Variants in FGF14 observed in about 807,000 individuals in gnomAD.
FGF14 encodes the protein fibroblast growth factor 14.
FGF14 carries 5 observed loss-of-function variants against 25.5 expected under a neutral mutation model. That is an observed-to-expected ratio of 0.20 (90% CI 0.10 to 0.41). The LOEUF is 0.41. Among genes scored for constraint, FGF14 ranks in the 10% least tolerant of loss-of-function variants. The probability of loss-of-function intolerance (pLI) is 1.00; values close to 1 mark genes in which losing one functional copy is unlikely to be tolerated. For missense variants in FGF14, 222 were observed against 320.1 expected, an observed-to-expected ratio of 0.69 and a Z score of 2.34; for synonymous variants, 138 against 118.3, an observed-to-expected ratio of 1.17 and a Z score of -1.08.
At chr13:102,013,070 G>C (rs1209284980) in intron 1 of FGF14, among the ~76,000 whole-genome samples, 1 of 152,052 alleles carries the variant, frequency 6.6e-6, no homozygotes. Context: ...CAGAAAGATT[G>C]CTTGAGCCCA....
intron 1 of FGF14, among the ~76,000 whole-genome samples, chr13:102,181,740 T>C (rs1410617019): frequency 2.6e-5 from 4 of 152,174 alleles, no homozygotes; most frequent in South Asian, 2.1e-4. Context: ...TGTTGCTAGG[T>C]TGTACATATT....
At chr13:102,208,162 C>T (rs1351554551) in intron 1 of FGF14, among the ~76,000 whole-genome samples, 1 of 152,134 alleles carries the variant, frequency 6.6e-6, no homozygotes, top group Non-Finnish European at 1.5e-5. Context: ...GTGAGAGATT[C>T]GCAAGGGGAA....
chr13:102,059,844 C>A (rs9300710), intron 1 of FGF14, among the ~76,000 whole-genome samples: 70,185 of 150,094 alleles, frequency 0.47, 16,785 homozygotes, highest in East Asian at 0.69. Context: ...GAGCGAGACT[C>A]CATCTCAAAA....
intron 1 of FGF14, among the ~76,000 whole-genome samples, chr13:102,193,011 C>T (rs2049189964): frequency 6.6e-6 from 1 of 152,178 alleles, no homozygotes; most frequent in South Asian, 2.1e-4. Flanking sequence ...ATCCCCTATC[C>T]ATTGCCCACT....
chr13:102,202,932 C>T (rs1163035778), intron 1 of FGF14, among the ~76,000 whole-genome samples: 2 of 152,116 alleles, frequency 1.3e-5, no homozygotes, highest in Admixed American at 6.5e-5. Context: ...CCACAGGCCT[C>T]GATACTGGTG....
intron 1 of FGF14, among the ~76,000 whole-genome samples, chr13:101,957,813 C>T (rs982096900): frequency 6.6e-6 from 1 of 152,052 alleles, no homozygotes; most frequent in African/African-American, 2.4e-5. Flanking sequence ...CTTAAGGAAA[C>T]CATTGTCACT....
chr13:101,821,009 A>T (rs6491646), intron 3 of FGF14, among the ~76,000 whole-genome samples: 3 of 142,778 alleles, frequency 2.1e-5, no homozygotes, highest in East Asian at 4.3e-4. Flanking sequence ...GTGCAGTGGC[A>T]TGATCTCGGC....
Position 102,060,758 on chromosome 13 carries a change from A to C in FGF14, c.209-185462T>G, listed in dbSNP as rs990132461. On this transcript the variant is annotated intron_variant, in intron 1 of 4. Coordinates refer to the FGF14 transcript ENST00000376131. ...GGGCAGGGTCCCTGGCGAGGGCTCCACCCTCGGGCCTGTGCCCATGGACCT... is the reference window on the plus strand; with the variant it reads ...GGGCAGGGTCCCTGGCGAGGGCTCCCCCCTCGGGCCTGTGCCCATGGACCT... Among the ~76,000 whole-genome samples the C allele has an allele frequency of 2.6e-5, 4 of 152,202 alleles. No homozygotes were observed. In the South Asian group the frequency reaches 6.2e-4, roughly 24 times the overall value.
At chr13:102,021,652 T>C (rs145872849) in intron 1 of FGF14, among the ~76,000 whole-genome samples, 101 of 151,968 alleles carry the variant, frequency 6.6e-4, no homozygotes, top group Non-Finnish European at 1.1e-3. Context: ...GCAGAGAAAA[T>C]TGTTCATCAA....
chr13:101,875,163 G>A, intron 2 of FGF14, 23 bp downstream of exon 2: 2 of 1,479,636 alleles, frequency 1.4e-6, no homozygotes, highest in Non-Finnish European at 1.9e-6. Context: ...CTATGTAACT[G>A]GTGGCCTGAG....
chr13:101,961,917 C>A (rs2476214), intron 1 of FGF14, among the ~76,000 whole-genome samples: 6,896 of 152,156 alleles, frequency 0.045, 515 homozygotes, highest in African/African-American at 0.16. Context: ...CTAATACAGT[C>A]TATGTATCTG....
chr13:101,842,241 C>T (rs1482789894), intron 3 of FGF14, among the ~76,000 whole-genome samples: 1 of 151,984 alleles, frequency 6.6e-6, no homozygotes, highest in Non-Finnish European at 1.5e-5. Context: ...AGGTTGCTAT[C>T]ACATCCTCAT....
intron 3 of FGF14, among the ~76,000 whole-genome samples, chr13:101,832,796 G>A (rs1015208342): frequency 1.3e-5 from 2 of 151,994 alleles, no homozygotes; most frequent in Non-Finnish European, 2.9e-5. Flanking sequence ...AAGAATTCTC[G>A]AGAAAGGTTT....
At chr13:101,985,675 C>T (rs374980163) in intron 1 of FGF14, among the ~76,000 whole-genome samples, 15 of 152,146 alleles carry the variant, frequency 9.9e-5, no homozygotes, top group Non-Finnish European at 1.5e-4. Flanking sequence ...CTTTATCTCT[C>T]GCTCTTTTTC....
intron 1 of FGF14, among the ~76,000 whole-genome samples, chr13:102,148,902 T>A (rs1456746076): frequency 6.6e-6 from 1 of 152,222 alleles, no homozygotes; most frequent in African/African-American, 2.4e-5. Context: ...TGAGCCTCTT[T>A]GTGATCACTG....
chr13:102,117,887 A>C (rs1185910964), intron 1 of FGF14, among the ~76,000 whole-genome samples: 1 of 152,190 alleles, frequency 6.6e-6, no homozygotes, highest in Non-Finnish European at 1.5e-5. Flanking sequence ...AATGGTTACT[A>C]AGTAGAAAGA....
chr13:101,980,358 G>A (rs1210025280), intron 1 of FGF14, among the ~76,000 whole-genome samples: 1 of 151,712 alleles, frequency 6.6e-6, no homozygotes, highest in African/African-American at 2.4e-5. Context: ...AAAAAAAACG[G>A]GGCTAGAAAG....
intron 1 of FGF14, among the ~76,000 whole-genome samples, chr13:101,980,998 T>TA (rs1203576122): frequency 1.3e-5 from 2 of 149,458 alleles, no homozygotes; most frequent in African/African-American, 4.9e-5. Context: ...TCCTAAGACT[T>TA]TGGGAGGCTG....
intron 1 of FGF14, among the ~76,000 whole-genome samples, chr13:101,949,150 A>G (rs1157874310): frequency 2.6e-5 from 4 of 152,204 alleles, no homozygotes; most frequent in Non-Finnish European, 4.4e-5. Context: ...ATTTCTAAAT[A>G]TGTGCCTCGG....
Sources: allele counts gnomAD v4.1 joint callset (sites outside exome capture counted in the v4.1 genomes callset), GRCh38; gene constraint gnomAD v4.1.1; transcripts MANE v1.5; gene names NCBI Gene and HGNC (gene_info 2026-07-23, HGNC 2026-07-21).